The following PHACTR1 variants were observed in gnomAD, a reference collection of about 807,000 sequenced individuals.
The protein encoded by PHACTR1 is RPEL repeat containing 1.
A neutral mutation model predicts 69.2 loss-of-function variants in PHACTR1; 16 were observed. That is an observed-to-expected ratio of 0.23 (90% CI 0.16 to 0.35). The LOEUF is 0.35. Among genes scored for constraint, PHACTR1 ranks in the 10% least tolerant of loss-of-function variants. The probability of loss-of-function intolerance (pLI) is 1.00; values close to 1 mark genes in which losing one functional copy is unlikely to be tolerated. For missense variants in PHACTR1, 510 were observed against 734.7 expected, an observed-to-expected ratio of 0.69 and a Z score of 3.54; for synonymous variants, 312 against 284.5, an observed-to-expected ratio of 1.10 and a Z score of -0.97.
intron 11 of PHACTR1, among the ~76,000 whole-genome samples, chr6:13,276,510 G>A (rs1310147632): frequency 2.6e-5 from 4 of 152,178 alleles, no homozygotes; most frequent in Admixed American, 6.5e-5. Flanking sequence ...GGTGGCTCAC[G>A]CCTATAATCC....
chr6:13,022,275 C>T (rs967465962), intron 4 of PHACTR1, among the ~76,000 whole-genome samples: 13 of 152,180 alleles, frequency 8.5e-5, no homozygotes, highest in Non-Finnish European at 1.5e-4. Context: ...GCCGAGGGGA[C>T]CTCCGACGCC....
At chr6:12,757,678 G>C (rs1274680668) in intron 4 of PHACTR1, among the ~76,000 whole-genome samples, 1 of 152,144 alleles carries the variant, frequency 6.6e-6, no homozygotes, top group African/African-American at 2.4e-5. Flanking sequence ...GAGGAGAAGA[G>C]CAAGCAGTAA....
At chr6:12,971,294 T>C (rs1054944504) in intron 4 of PHACTR1, among the ~76,000 whole-genome samples, 1 of 152,220 alleles carries the variant, frequency 6.6e-6, no homozygotes, top group African/African-American at 2.4e-5. Context: ...ACCATCTTTC[T>C]TGGGCTCTTT....
At chr6:13,276,870 T>C (rs1422378967) in intron 11 of PHACTR1, among the ~76,000 whole-genome samples, 1 of 152,184 alleles carries the variant, frequency 6.6e-6, no homozygotes, top group Non-Finnish European at 1.5e-5. Flanking sequence ...TGTGCACCAA[T>C]ACAACAAACT....
In PHACTR1 at chr6:12,845,987, G is replaced by A. The variant is rs78613648; in HGVS notation, c.250+96197G>A. Among the ~76,000 whole-genome samples the A allele has an allele frequency of 9.8e-5, 15 of 152,332 alleles. No homozygotes were observed. In the East Asian group the frequency reaches 2.7e-3, roughly 27 times the overall value. On this transcript the variant is annotated intron_variant, in intron 4 of 14. Transcript: ENST00000332995. ...CTAAACCAAGCCAGCAAGGTGAATA[G>A]TTTAAATGTAATTTGTTTGCAGTTA... is the stretch of plus-strand genomic sequence containing the variant.
chr6:13,255,347 A>G (rs1273904463), intron 10 of PHACTR1, among the ~76,000 whole-genome samples: 1 of 152,206 alleles, frequency 6.6e-6, no homozygotes, highest in African/African-American at 2.4e-5. Flanking sequence ...ACTGGGTATT[A>G]CAATTGAACA....
intron 5 of PHACTR1, among the ~76,000 whole-genome samples, chr6:13,126,437 C>G (rs553813946): frequency 6.6e-6 from 1 of 152,208 alleles, no homozygotes; most frequent in Non-Finnish European, 1.5e-5. Flanking sequence ...GCTAGCTGAA[C>G]CTCTGCAAGT....
chr6:13,084,233 A>G (rs1205586860), intron 5 of PHACTR1, among the ~76,000 whole-genome samples: 1 of 152,002 alleles, frequency 6.6e-6, no homozygotes, highest in Admixed American at 6.6e-5. Context: ...AGGGGCATGG[A>G]TGAAGCTGGA....
At chr6:13,068,055 G>A (rs1274427203) in intron 5 of PHACTR1, among the ~76,000 whole-genome samples, 1 of 152,134 alleles carries the variant, frequency 6.6e-6, no homozygotes, top group Non-Finnish European at 1.5e-5. Context: ...GGTGGCTCAC[G>A]CCTATAATCC....
chr6:12,768,852 A>ACACACAATG (rs1769019513), intron 4 of PHACTR1, among the ~76,000 whole-genome samples: 1 of 144,078 alleles, frequency 6.9e-6, no homozygotes, highest in Non-Finnish European at 1.6e-5. Context: ...ACACACACAC[A>ACACACAATG]CACACACACA....
chr6:12,894,041 T>C (rs866287361), intron 4 of PHACTR1, among the ~76,000 whole-genome samples: 3 of 152,210 alleles, frequency 2.0e-5, no homozygotes, highest in African/African-American at 4.8e-5. Flanking sequence ...GGGATTTTTA[T>C]TGGTCTCTTT....
At chr6:13,150,896 G>T (rs1404335684) in intron 5 of PHACTR1, among the ~76,000 whole-genome samples, 3 of 152,136 alleles carry the variant, frequency 2.0e-5, no homozygotes, top group Non-Finnish European at 4.4e-5. Context: ...TAGGCTATAG[G>T]TGTTGCATCA....
At chr6:12,743,189 G>GAAA (rs56962574) in intron 3 of PHACTR1, among the ~76,000 whole-genome samples, 3 of 136,742 alleles carry the variant, frequency 2.2e-5, no homozygotes, top group Non-Finnish European at 4.7e-5. Flanking sequence ...TAAATTGCAG[G>GAAA]AAAAAAAAAA....
chr6:12,963,368 G>A (rs936618845), intron 4 of PHACTR1, among the ~76,000 whole-genome samples: 1 of 152,070 alleles, frequency 6.6e-6, no homozygotes, highest in African/African-American at 2.4e-5. Context: ...CAGTTCCCTG[G>A]TAGCAGCCTG....
At chr6:13,076,398 T>A (rs1455090328) in intron 5 of PHACTR1, among the ~76,000 whole-genome samples, 1 of 152,178 alleles carries the variant, frequency 6.6e-6, no homozygotes, top group East Asian at 1.9e-4. Context: ...CTTGGGTTAT[T>A]TCAGCCCTTC....
At chr6:13,102,962 C>T (rs986487001) in intron 5 of PHACTR1, among the ~76,000 whole-genome samples, 4 of 152,134 alleles carry the variant, frequency 2.6e-5, no homozygotes, top group African/African-American at 9.7e-5. Flanking sequence ...ACCTTTGCTT[C>T]GTTCTTTGTA....
At chr6:13,081,420 C>G (rs1034836148) in intron 5 of PHACTR1, among the ~76,000 whole-genome samples, 3 of 152,164 alleles carry the variant, frequency 2.0e-5, no homozygotes, top group Non-Finnish European at 4.4e-5. Flanking sequence ...AAATGATAGA[C>G]GCAACATGTA....
chr6:12,999,910 C>T (rs1026678332), intron 4 of PHACTR1, among the ~76,000 whole-genome samples: 1 of 152,184 alleles, frequency 6.6e-6, no homozygotes, highest in African/African-American at 2.4e-5. Flanking sequence ...CATTTCTAAA[C>T]CTAAATAATG....
At chr6:12,896,704 T>G (rs1233129203) in intron 4 of PHACTR1, among the ~76,000 whole-genome samples, 1 of 152,210 alleles carries the variant, frequency 6.6e-6, no homozygotes, top group East Asian at 1.9e-4. Flanking sequence ...AACATACTTA[T>G]TTAGGGAATA....
Sources: allele counts gnomAD v4.1 joint callset (sites outside exome capture counted in the v4.1 genomes callset), GRCh38; gene constraint gnomAD v4.1.1; transcripts MANE v1.5; gene names NCBI Gene and HGNC (gene_info 2026-07-23, HGNC 2026-07-21).